The following TRPM6 variants were observed in gnomAD, a reference collection of about 807,000 sequenced individuals.
The protein encoded by TRPM6 is transient receptor potential cation channel subfamily M member 6.
TRPM6 carries 111 observed loss-of-function variants against 247.6 expected under a neutral mutation model. That is an observed-to-expected ratio of 0.45 (90% CI 0.38 to 0.52). TRPM6 has a LOEUF of 0.52. Among genes scored for constraint, TRPM6 ranks in the 20% least tolerant of loss-of-function variants. TRPM6 has a pLI of 0.00. For missense variants in TRPM6, 2,126 were observed against 2,421.5 expected, an observed-to-expected ratio of 0.88 and a Z score of 2.56; for synonymous variants, 892 against 853.8, an observed-to-expected ratio of 1.04 and a Z score of -0.78.
chr9:74,790,646 A>G (rs1053328988), intron 19 of TRPM6, among the ~76,000 whole-genome samples: 4 of 152,164 alleles, frequency 2.6e-5, no homozygotes, highest in African/African-American at 7.2e-5. Flanking sequence ...CTAGTATACT[A>G]TGTCTTAAAG....
intron 6 of TRPM6, among the ~76,000 whole-genome samples, chr9:74,829,389 T>C (rs1265747017): frequency 2.0e-5 from 3 of 152,208 alleles, no homozygotes; most frequent in Non-Finnish European, 2.9e-5. Context: ...TTAATGGACA[T>C]TTTCTTAAGC....
chr9:74,740,799 T>G (rs1338869061), intron 33 of TRPM6, among the ~76,000 whole-genome samples: 1 of 152,144 alleles, frequency 6.6e-6, no homozygotes, highest in Non-Finnish European at 1.5e-5. Context: ...AAGCTCAACT[T>G]GTATTAAAAA....
chr9:74,856,810 A>G (rs1224131937), intron 2 of TRPM6, among the ~76,000 whole-genome samples: 1 of 152,194 alleles, frequency 6.6e-6, no homozygotes, highest in Admixed American at 6.5e-5. Context: ...AAACTGCAAA[A>G]AAGCCTCAAT....
At position 74,755,336 on chromosome 9, in the gene TRPM6, T is replaced by C. The variant is rs777732313; in HGVS notation, c.4906+17A>G. The C allele has an allele frequency of 2.1e-5, 34 of 1,613,832 alleles. No homozygotes were observed. Among genetic ancestry groups the C allele is most frequent in the Non-Finnish European group, 2.5e-5 (29 of 1,179,898 alleles). ...CCACCAGGGTTTTTGGGATCCAAAA[T>C]TGTAGATGTTACATACCTGTGTGAC... On this transcript the variant is annotated intron_variant, in intron 28 of 38. Coordinates refer to ENST00000360774, the MANE Select transcript of TRPM6 (RefSeq NM_017662.5).
At chr9:74,743,261 T>G (rs901442158) in intron 32 of TRPM6, among the ~76,000 whole-genome samples, 3 of 152,224 alleles carry the variant, frequency 2.0e-5, no homozygotes, top group African/African-American at 7.2e-5. Context: ...TGCAACTCTA[T>G]TCACTACAAA....
rs1282746323 is a variant in TRPM6, at chr9:74,762,546, A to G, written c.4125T>C (p.Thr1375=). ...SRPSVPDVLA[T]EQDIQTEVLV... ...GAACCTCAGTCTGGATGTCCTGTTC[A>G]GTTGCCAGCACATCTGGCACAGAGG... The change falls in exon 26 of 39, where the codon ACT becomes ACC. Residue 1375 remains threonine (T), a synonymous_variant. Coordinates refer to ENST00000360774, the MANE Select transcript of TRPM6 (RefSeq NM_017662.5). 3 of 1,614,086 alleles carry G rather than the reference A, an allele frequency of 1.9e-6. No homozygotes were observed. In the Admixed American group the frequency reaches 5.0e-5, roughly 27 times the overall value.
At chr9:74,758,987 A>G (rs1008303401) in intron 27 of TRPM6, among the ~76,000 whole-genome samples, 2 of 152,184 alleles carry the variant, frequency 1.3e-5, no homozygotes, top group African/African-American at 4.8e-5. Flanking sequence ...AAATAATCAG[A>G]TATTAAAATT....
At chr9:74,725,764 A>G (rs1206219257) in intron 38 of TRPM6, among the ~76,000 whole-genome samples, 1 of 151,910 alleles carries the variant, frequency 6.6e-6, no homozygotes, top group Non-Finnish European at 1.5e-5. Flanking sequence ...AGCTCATTAA[A>G]CCTCTTTTTT....
In TRPM6 at chr9:74,802,534, A is replaced by T. The variant is rs1828382059; in HGVS notation, c.1732-359T>A. 3.3e-5 allele frequency among the ~76,000 whole-genome samples: 5 copies of T among 152,188 alleles called. No homozygotes were observed. The South Asian group carries it at 1.0e-3, about 31-fold the overall frequency. ...TGGTTCCATCTTCCTCAAAGTAATA[A>T]CCACAGAGCAGTACGATGAGTGCTG... On this transcript the variant is annotated intron_variant, in intron 15 of 38. Coordinates refer to ENST00000360774, the MANE Select transcript of TRPM6 (RefSeq NM_017662.5).
At chr9:74,751,988 C>T (rs1172077673) in intron 29 of TRPM6, among the ~76,000 whole-genome samples, 1 of 152,182 alleles carries the variant, frequency 6.6e-6, no homozygotes, top group Non-Finnish European at 1.5e-5. Flanking sequence ...TATTTGAAAA[C>T]AGTTTCGAAA....
intron 38 of TRPM6, among the ~76,000 whole-genome samples, chr9:74,727,241 G>T (rs1357321363): frequency 2.0e-5 from 3 of 152,002 alleles, no homozygotes; most frequent in African/African-American, 7.2e-5. Context: ...AATTAGCTGG[G>T]CATGGTGGTG....
At chr9:74,729,532 CA>C (rs1429107538) in intron 37 of TRPM6, among the ~76,000 whole-genome samples, 1 of 152,186 alleles carries the variant, frequency 6.6e-6, no homozygotes, top group East Asian at 1.9e-4. Flanking sequence ...AGTGAACAGA[CA>C]CACAGGATTA....
intron 3 of TRPM6, among the ~76,000 whole-genome samples, chr9:74,846,696 G>A (rs1368165040): frequency 7.2e-5 from 11 of 151,908 alleles, no homozygotes; most frequent in Admixed American, 7.2e-4. Context: ...ACAGGGGTGT[G>A]TCACCACGCC....
chr9:74,785,609 G>A (rs900310030), intron 21 of TRPM6, among the ~76,000 whole-genome samples: 3 of 151,918 alleles, frequency 2.0e-5, no homozygotes, highest in South Asian at 2.1e-4. Context: ...TGCAAGCTCC[G>A]CCTCCCGGGT....
intron 1 of TRPM6, among the ~76,000 whole-genome samples, chr9:74,870,575 T>A (rs1389528408): frequency 6.6e-6 from 1 of 152,208 alleles, no homozygotes; most frequent in Non-Finnish European, 1.5e-5. Context: ...ATTGTTAATT[T>A]CCAGCTGTCC....
intron 4 of TRPM6, 49 bp downstream of exon 4, chr9:74,842,117 A>G (rs1733010169): frequency 2.5e-6 from 4 of 1,606,166 alleles, no homozygotes; most frequent in African/African-American, 2.7e-5. Flanking sequence ...GTCTCGAAAA[A>G]AAAAAAAAAA....
At chr9:74,759,643 T>C (rs552244519) in intron 27 of TRPM6, among the ~76,000 whole-genome samples, 46 of 152,204 alleles carry the variant, frequency 3.0e-4, no homozygotes, top group South Asian at 2.7e-3. Context: ...AAATGGATTA[T>C]AGACCTACAA....
At chr9:74,732,324 C>A (rs1240561786) in intron 37 of TRPM6, among the ~76,000 whole-genome samples, 1 of 152,174 alleles carries the variant, frequency 6.6e-6, no homozygotes, top group Non-Finnish European at 1.5e-5. Context: ...TGCAATGACT[C>A]CATTGTGAAG....
At chr9:74,856,919 T>C (rs112584289) in intron 2 of TRPM6, among the ~76,000 whole-genome samples, 1 of 152,118 alleles carries the variant, frequency 6.6e-6, no homozygotes, top group Non-Finnish European at 1.5e-5. Flanking sequence ...ATAGAGACAG[T>C]TTTTTCACTT....
Sources: allele counts gnomAD v4.1 joint callset (sites outside exome capture counted in the v4.1 genomes callset), GRCh38; gene constraint gnomAD v4.1.1; transcripts MANE v1.5; gene names NCBI Gene and HGNC (gene_info 2026-07-23, HGNC 2026-07-21).